The following CREB5 variants were observed in gnomAD, a reference collection of about 807,000 sequenced individuals.
CREB5 encodes the protein cyclic AMP-responsive element-binding protein 5.
A neutral mutation model predicts 57.1 loss-of-function variants in CREB5; 19 were observed. The ratio of observed to expected loss-of-function variants is 0.33; its 90% CI spans 0.23 to 0.49. The LOEUF (loss-of-function observed/expected upper bound fraction) is 0.49. Among genes scored for constraint, CREB5 ranks in the 20% least tolerant of loss-of-function variants. The probability of loss-of-function intolerance (pLI) is 0.99; values close to 1 mark genes in which losing one functional copy is unlikely to be tolerated. For missense variants in CREB5, 579 were observed against 671.6 expected (o/e 0.86, Z 1.52); for synonymous variants, 238 against 238.3 (o/e 1.00, Z 0.01).
At chr7:28,328,635 T>C (rs1466949095) in intron 1 of CREB5, among the ~76,000 whole-genome samples, 1 of 152,176 alleles carries the variant, frequency 6.6e-6, no homozygotes, top group East Asian at 1.9e-4. Flanking sequence ...CTCTTCCAAG[T>C]TTAGAGGGCG....
In CREB5 at chr7:28,824,752, A is replaced by T. The variant is rs1288536453; in HGVS notation, c.*5473A>T. On this transcript the variant is annotated 3_prime_UTR_variant, in exon 11 of 11. Transcript: ENST00000357727. ...AGAGTGTTTATATATTTTTTTCCTT[A>T]TAAATTGTCTATTTTTTAAAAAAGC... is the stretch of plus-strand genomic sequence containing the variant. 1.3e-5 allele frequency: 2 copies of T among 152,566 alleles called. No homozygotes were observed. Among genetic ancestry groups the T allele is most frequent in the African/African-American group, 2.4e-5 (1 of 41,436 alleles). The allele number at this position is 152,566 out of a possible 1,614,324, so 9.5% of individuals were successfully genotyped here.
At chr7:28,333,360 A>G (rs575850722) in intron 1 of CREB5, among the ~76,000 whole-genome samples, 1 of 152,344 alleles carries the variant, frequency 6.6e-6, no homozygotes, top group Non-Finnish European at 1.5e-5. Flanking sequence ...TAAATGGCAT[A>G]TCCATCAACT....
At chr7:28,706,982 G>T (rs1489962670) in intron 5 of CREB5, among the ~76,000 whole-genome samples, 1 of 152,138 alleles carries the variant, frequency 6.6e-6, no homozygotes, top group Non-Finnish European at 1.5e-5. Flanking sequence ...GGCTCCTATT[G>T]TGTGCCAAGC....
At chr7:28,545,764 T>G (rs1321283480) in intron 4 of CREB5, among the ~76,000 whole-genome samples, 1 of 152,196 alleles carries the variant, frequency 6.6e-6, no homozygotes, top group African/African-American at 2.4e-5. Flanking sequence ...TTCTCCTATC[T>G]TCAGTTTCCA....
chr7:28,643,844 G>A (rs950572671), intron 5 of CREB5, among the ~76,000 whole-genome samples: 12 of 151,948 alleles, frequency 7.9e-5, no homozygotes, highest in African/African-American at 2.7e-4. Context: ...CTTTGGCAGG[G>A]CCAAGGCAGG....
chr7:28,478,480 G>A (rs914290274), intron 1 of CREB5, among the ~76,000 whole-genome samples: 4 of 152,066 alleles, frequency 2.6e-5, no homozygotes, highest in Non-Finnish European at 5.9e-5. Context: ...TGGTTAAGAG[G>A]CAAAAGTTTC....
intron 5 of CREB5, among the ~76,000 whole-genome samples, chr7:28,683,507 C>T (rs1487700041): frequency 1.3e-5 from 2 of 152,142 alleles, no homozygotes; most frequent in Non-Finnish European, 2.9e-5. Flanking sequence ...GGTGGCTTAA[C>T]GGCGTCATCA....
chr7:28,720,278 C>T (rs1395098399), intron 6 of CREB5, among the ~76,000 whole-genome samples: 1 of 152,212 alleles, frequency 6.6e-6, no homozygotes, highest in Non-Finnish European at 1.5e-5. Context: ...ACAATATTAA[C>T]AATGCCTTGC....
chr7:28,442,628 T>C (rs542090695), intron 1 of CREB5, among the ~76,000 whole-genome samples: 1 of 152,318 alleles, frequency 6.6e-6, no homozygotes, highest in South Asian at 2.1e-4. Context: ...GTTAACTTTT[T>C]GTCTTTTCGA....
intron 2 of CREB5, among the ~76,000 whole-genome samples, chr7:28,489,279 A>G (rs1237871292): frequency 7.1e-6 from 1 of 141,750 alleles, no homozygotes; most frequent in East Asian, 2.0e-4. Flanking sequence ...GATAAGAAGG[A>G]TTCATTGAGG....
At chr7:28,819,070 T>C (rs754056160) in intron 10 of CREB5, 46 bp from the exon 11 acceptor site, 1 of 1,576,532 alleles carries the variant, frequency 6.3e-7, no homozygotes, top group Non-Finnish European at 8.6e-7. Context: ...AAGACCTATA[T>C]TGGTGTGTGT....
rs746199510 is a variant in CREB5 at position 28,804,350 on chromosome 7, C to T, written c.854C>T (p.Pro285Leu). ...HSHPHQHQTL[P>L]PHHPYPHQHQ... ...CACCCGCATCAGCACCAGACACTGC[C>T]ACCCCATCACCCTTACCCACACCAG... Residue 285 changes from proline to leucine, a missense_variant, in exon 8 of 11, where the codon CCA becomes CTA. By Grantham distance (98) the Pro-to-Leu change is moderately conservative (BLOSUM62 -3). Transcript: ENST00000357727. 3.7e-6 allele frequency: 6 copies of T among 1,613,628 alleles called. No individual in the cohort carries two copies. Among genetic ancestry groups the T allele is most frequent in the Non-Finnish European group, 3.4e-6 (4 of 1,179,736 alleles).
At chr7:28,614,674 C>A (rs73684208) in intron 5 of CREB5, among the ~76,000 whole-genome samples, 2,747 of 152,210 alleles carry the variant, frequency 0.018, 87 homozygotes, top group African/African-American at 0.063. Flanking sequence ...AGAAAAACAG[C>A]CTTTTGTTAT....
At chr7:28,718,683 G>T in intron 5 of CREB5, 70 bp from the exon 6 acceptor site, 6 of 1,593,650 alleles carry the variant, frequency 3.8e-6, no homozygotes, top group Non-Finnish European at 5.1e-6. Context: ...TGTCCCTGCT[G>T]TTCTGGACAC....
At position 28,737,538 on chromosome 7, in the gene CREB5, CGTATATATATATATATAT is replaced by C. The variant is rs1338542658; in HGVS notation, c.702+13207_702+13224del. ...GTGTGTGTATATATGTATATATATACGTATATATATATATATATATATATATATATATATATATATATA... is the reference window on the plus strand; with the variant it reads ...GTGTGTGTATATATGTATATATATACATATATATATATATATATATATATA... On this transcript the variant is annotated intron_variant, in intron 7 of 10. Coordinates refer to ENST00000357727, the MANE Select transcript of CREB5 (RefSeq NM_182898.4). Among the ~76,000 whole-genome samples, 286 of 47,910 alleles carry C rather than the reference CGTATATATATATATATAT, an allele frequency of 6.0e-3. 4 individuals carry two copies. The highest frequency in any genetic ancestry group is 0.014 in the African/African-American group (144 of 9,972). 31.4% of individuals were successfully genotyped at this position (47,910 alleles called of 152,430 possible).
intron 4 of CREB5, among the ~76,000 whole-genome samples, chr7:28,560,947 T>TGTGCGTGC (rs1261166766): frequency 9.4e-5 from 2 of 21,202 alleles, no homozygotes; most frequent in African/African-American, 3.4e-4. Context: ...CGTGCGTGTG[T>TGTGCGTGC]GTGCGTGTGT....
At chr7:28,330,920 C>T (rs1030451386) in intron 1 of CREB5, among the ~76,000 whole-genome samples, 16 of 152,136 alleles carry the variant, frequency 1.1e-4, no homozygotes, top group Admixed American at 1.3e-4. Flanking sequence ...AATCCTGACA[C>T]TTATCTCATG....
chr7:28,616,776 C>A (rs1372682706), intron 5 of CREB5, among the ~76,000 whole-genome samples: 1 of 152,152 alleles, frequency 6.6e-6, no homozygotes, highest in African/African-American at 2.4e-5. Flanking sequence ...TTATGATTTT[C>A]ATTTATGATT....
At chr7:28,532,148 G>A (rs2128622456) in intron 4 of CREB5, among the ~76,000 whole-genome samples, 1 of 152,308 alleles carries the variant, frequency 6.6e-6, no homozygotes, top group East Asian at 1.9e-4. Flanking sequence ...GCCATGCTAT[G>A]AGGACACTCA....
Sources: gnomAD v4.1 joint callset for allele counts (sites outside exome capture counted in the v4.1 genomes callset) on GRCh38, gnomAD v4.1.1 for gene constraint, MANE v1.5 for transcripts, NCBI Gene and HGNC (gene_info 2026-07-23, HGNC 2026-07-21) for gene names.